The following ENOX1 variants were observed in gnomAD, a reference collection of about 807,000 sequenced individuals.
ENOX1 encodes the protein candidate growth-related and time keeping constitutive hydroquinone (NADH) oxidase.
Under a neutral mutation model 82.5 loss-of-function variants are expected in ENOX1, and 42 were observed. The observed-to-expected ratio is 0.51, with a 90% CI of 0.40 to 0.66. The LOEUF (loss-of-function observed/expected upper bound fraction) is 0.66, where lower values mean the gene tolerates loss of function less well. Among genes scored for constraint, ENOX1 ranks in the 30% least tolerant of loss-of-function variants. The pLI is 0.00. For missense variants in ENOX1, 608 were observed against 811.6 expected (o/e 0.75, Z 3.05); for synonymous variants, 271 against 282.2 (o/e 0.96, Z 0.40).
chr13:43,592,848 A>G (rs368707024), intron 2 of ENOX1, among the ~76,000 whole-genome samples: 95 of 152,340 alleles, frequency 6.2e-4, no homozygotes, highest in Middle Eastern at 3.4e-3. Context: ...GATAAAATCA[A>G]TAATTCTTTG....
intron 11 of ENOX1, among the ~76,000 whole-genome samples, chr13:43,320,383 G>A (rs899263792): frequency 2.0e-5 from 3 of 152,168 alleles, no homozygotes; most frequent in Non-Finnish European, 4.4e-5. Flanking sequence ...CAAGTAACAA[G>A]ACTGGTGAAA....
At chr13:43,671,705 G>A (rs1474048772) in intron 1 of ENOX1, among the ~76,000 whole-genome samples, 1 of 152,120 alleles carries the variant, frequency 6.6e-6, no homozygotes, top group East Asian at 1.9e-4. Flanking sequence ...GAAAGGGACT[G>A]GAATCCTATT....
At chr13:43,485,082 A>G (rs1323140) in intron 2 of ENOX1, among the ~76,000 whole-genome samples, 115,783 of 152,112 alleles carry the variant, frequency 0.76, 44,246 homozygotes, top group East Asian at 0.98. Context: ...CACATCCTCT[A>G]TGGCTATTAC....
intron 12 of ENOX1, among the ~76,000 whole-genome samples, chr13:43,291,770 C>T (rs370106305): frequency 5.4e-4 from 83 of 152,324 alleles, no homozygotes; most frequent in African/African-American, 2.0e-3. Flanking sequence ...TTTGTATTTT[C>T]TTCCTCCAGA....
At chr13:43,461,206 A>T (rs1261106001) in intron 3 of ENOX1, among the ~76,000 whole-genome samples, 1 of 152,232 alleles carries the variant, frequency 6.6e-6, no homozygotes, top group Non-Finnish European at 1.5e-5. Context: ...CTTTATACAC[A>T]TTCTGAGATT....
chr13:43,367,243 G>A (rs960999466), intron 5 of ENOX1, among the ~76,000 whole-genome samples: 7 of 152,200 alleles, frequency 4.6e-5, no homozygotes, highest in African/African-American at 7.2e-5. Context: ...ATCTAAACCC[G>A]TCTGGCATAG....
At chr13:43,418,082 G>A (rs1392836085) in intron 3 of ENOX1, among the ~76,000 whole-genome samples, 1 of 152,140 alleles carries the variant, frequency 6.6e-6, no homozygotes, top group Non-Finnish European at 1.5e-5. Context: ...GGTGGCGCAT[G>A]CCTGTAGTCC....
At chr13:43,631,539 A>C (rs1566673268) in intron 2 of ENOX1, among the ~76,000 whole-genome samples, 2 of 152,116 alleles carry the variant, frequency 1.3e-5, no homozygotes, top group East Asian at 1.9e-4. Context: ...TCTGGTTTGT[A>C]CTCTGCCAGT....
At position 43,397,307 on chromosome 13, in the gene ENOX1, T is replaced by G. The variant is rs560453322; in HGVS notation, c.208+14609A>C. On this transcript the variant is annotated intron_variant, in intron 5 of 16. Transcript: ENST00000690772. ...ATACATGGTTTCCAAGAGAGGCCAC[T>G]AAGTGTTGAAAGTATAAAATGAACA... Among the ~76,000 whole-genome samples the G allele has an allele frequency of 2.0e-5, 3 of 152,332 alleles. No individual in the cohort carries two copies. The South Asian group carries it at 6.2e-4, about 32-fold the overall frequency.
intron 2 of ENOX1, among the ~76,000 whole-genome samples, chr13:43,637,365 T>A (rs1428975109): frequency 6.6e-6 from 1 of 152,172 alleles, no homozygotes; most frequent in Non-Finnish European, 1.5e-5. Flanking sequence ...AGTGGGTTAA[T>A]CTCATGTCTT....
At chr13:43,679,326 C>T (rs889134968) in intron 1 of ENOX1, among the ~76,000 whole-genome samples, 11 of 152,152 alleles carry the variant, frequency 7.2e-5, no homozygotes, top group Middle Eastern at 3.2e-3. Context: ...TGAACAAGAT[C>T]AAGTCCCTGT....
intron 1 of ENOX1, among the ~76,000 whole-genome samples, chr13:43,669,073 G>C (rs2085128986): frequency 1.3e-5 from 2 of 152,200 alleles, no homozygotes; most frequent in South Asian, 4.1e-4. Context: ...GCACTACTCA[G>C]AAGTCGGCTG....
intron 2 of ENOX1, among the ~76,000 whole-genome samples, chr13:43,555,495 T>A (rs2079393544): frequency 6.6e-6 from 1 of 152,150 alleles, no homozygotes; most frequent in African/African-American, 2.4e-5. Context: ...TTACGGTCAA[T>A]CAGATGAGGA....
chr13:43,720,523 C>T (rs1335002994), intron 1 of ENOX1, among the ~76,000 whole-genome samples: 3 of 152,238 alleles, frequency 2.0e-5, no homozygotes, highest in Non-Finnish European at 2.9e-5. Context: ...TTCTCTACTA[C>T]TCAGTGCTGG....
intron 2 of ENOX1, among the ~76,000 whole-genome samples, chr13:43,642,784 C>T (rs530723923): frequency 6.6e-6 from 1 of 152,296 alleles, no homozygotes; most frequent in Admixed American, 6.5e-5. Context: ...GCTATAGCCT[C>T]AACTACTCTA....
intron 3 of ENOX1, among the ~76,000 whole-genome samples, chr13:43,445,124 G>GT (rs1243878568): frequency 5.4e-5 from 6 of 111,456 alleles, no homozygotes; most frequent in South Asian, 3.1e-4. Flanking sequence ...CTTCTTTCTG[G>GT]GTTTTTTTTT....
chr13:43,474,563 T>C (rs2058202148), intron 3 of ENOX1, among the ~76,000 whole-genome samples: 1 of 152,192 alleles, frequency 6.6e-6, no homozygotes, highest in Admixed American at 6.5e-5. Flanking sequence ...TGCTTTGCAG[T>C]TTCTGTATGA....
chr13:43,379,197 A>G (rs2051855795), intron 5 of ENOX1, among the ~76,000 whole-genome samples: 1 of 152,164 alleles, frequency 6.6e-6, no homozygotes, highest in Non-Finnish European at 1.5e-5. Flanking sequence ...CAGTACTACA[A>G]GATAATAAAT....
chr13:43,781,859 A>G (rs1952288852), intron 1 of ENOX1, among the ~76,000 whole-genome samples: 1 of 152,172 alleles, frequency 6.6e-6, no homozygotes. Flanking sequence ...CTCTATGTGT[A>G]TGTGGAAGTA....
Sources: gnomAD v4.1 joint callset for allele counts (sites outside exome capture counted in the v4.1 genomes callset) on GRCh38, gnomAD v4.1.1 for gene constraint, MANE v1.5 for transcripts, NCBI Gene and HGNC (gene_info 2026-07-23, HGNC 2026-07-21) for gene names.